The following GGNBP2 variants were observed in gnomAD, a reference collection of about 807,000 sequenced individuals.
GGNBP2 encodes gametogenetin-binding protein 2.
A neutral mutation model predicts 85.9 loss-of-function variants in GGNBP2; 10 were observed. The observed-to-expected ratio is 0.12, with a 90% CI of 0.07 to 0.20. GGNBP2 has a LOEUF of 0.20. GGNBP2 is among the 10% of genes least tolerant of loss of function. The probability of loss-of-function intolerance (pLI) is 1.00; values close to 1 mark genes in which losing one functional copy is unlikely to be tolerated. For missense variants in GGNBP2, 595 were observed against 857.8 expected, an observed-to-expected ratio of 0.69 and a Z score of 3.83; for synonymous variants, 287 against 285.7, an observed-to-expected ratio of 1.00 and a Z score of -0.05.
chr17:36,548,949 A>C (rs934991432), intron 2 of GGNBP2, among the ~76,000 whole-genome samples: 1 of 152,186 alleles, frequency 6.6e-6, no homozygotes, highest in African/African-American at 2.4e-5. Flanking sequence ...CGTTTCAAAA[A>C]AAAAAATAGC....
At chr17:36,553,393 T>C (rs1364182205) in intron 2 of GGNBP2, among the ~76,000 whole-genome samples, 1 of 152,226 alleles carries the variant, frequency 6.6e-6, no homozygotes, top group African/African-American at 2.4e-5. Context: ...TTAAATCTAT[T>C]GCTTACGTTT....
rs897430057 is a variant in GGNBP2, at chr17:36,558,180, G to A, written c.428+844G>A. Among the ~76,000 whole-genome samples the A allele has an allele frequency of 8.6e-5, 13 of 151,744 alleles. No individual in the cohort carries two copies. The East Asian group carries it at 1.2e-3, about 14-fold the overall frequency. On this transcript the variant is annotated intron_variant, in intron 4 of 13. Transcript: ENST00000613102. Reference sequence around the variant, plus strand: ...TATAATCCCAACACTTTGGGAGGCCGAGGCAGTTGGATTGCCTGAGCTCAG... The same window carrying A: ...TATAATCCCAACACTTTGGGAGGCCAAGGCAGTTGGATTGCCTGAGCTCAG...
chr17:36,550,518 AC>A (rs1426185245), intron 2 of GGNBP2, among the ~76,000 whole-genome samples: 1 of 152,220 alleles, frequency 6.6e-6, no homozygotes, highest in Non-Finnish European at 1.5e-5. Flanking sequence ...GATAGATGTT[AC>A]AAATAGCTGT....
chr17:36,560,508 C>T (rs912608445), intron 4 of GGNBP2, among the ~76,000 whole-genome samples: 6 of 152,186 alleles, frequency 3.9e-5, no homozygotes, highest in Non-Finnish European at 7.3e-5. Flanking sequence ...ACCTCGGCCT[C>T]CCAAATAGCC....
At chr17:36,559,296 CAA>C (rs892895973) in intron 4 of GGNBP2, among the ~76,000 whole-genome samples, 14 of 31,474 alleles carry the variant, frequency 4.4e-4, no homozygotes, top group African/African-American at 6.2e-4. Context: ...GACTCTGTCT[CAA>C]AAAAAAAAAA....
At chr17:36,578,507 T>G in intron 7 of GGNBP2, 2 of 256,854 alleles carry the variant, frequency 7.8e-6, no homozygotes, top group East Asian at 7.5e-5. Context: ...ATCCATGCAT[T>G]ATCATGTGTA....
intron 6 of GGNBP2, among the ~76,000 whole-genome samples, chr17:36,572,675 C>A (rs930558118): frequency 6.6e-6 from 1 of 152,158 alleles, no homozygotes; most frequent in Non-Finnish European, 1.5e-5. Flanking sequence ...GCCTGGGCAA[C>A]AGAGTGAGAC....
At chr17:36,565,459 TA>T (rs947110661) in intron 5 of GGNBP2, among the ~76,000 whole-genome samples, 26 of 150,308 alleles carry the variant, frequency 1.7e-4, no homozygotes, top group Non-Finnish European at 2.8e-4. Context: ...AGCTTTTTTT[TA>T]AAAAAAAAAT....
chr17:36,579,192 A>G lies in GGNBP2; in HGVS notation c.846-53A>G. ...ACCTGAACTTGCAGCTGTGTTATCC[A>G]TCTTTTACTGTTTCAGTTAAAGGTA... On this transcript the variant is annotated intron_variant, in intron 7 of 13. Transcript: ENST00000613102. The G allele has an allele frequency of 3.3e-6, 5 of 1,500,670 alleles. No homozygotes were observed. The Admixed American group carries it at 5.2e-5, about 16-fold the overall frequency. 93.0% of individuals were successfully genotyped at this position (1,500,670 alleles called of 1,614,324 possible). A position where few individuals can be genotyped will look rare whatever the true frequency, so the allele number is the denominator to read the frequency against.
chr17:36,588,600 A>ATTTTTTTTTTT (rs138773605), intron 13 of GGNBP2, among the ~76,000 whole-genome samples: 1 of 128,794 alleles, frequency 7.8e-6, no homozygotes, highest in South Asian at 2.3e-4. Context: ...TTTAATATTT[A>ATTTTTTTTTTT]TTTATTTTTT....
chr17:36,553,163 A>G (rs1413779515), intron 2 of GGNBP2, among the ~76,000 whole-genome samples: 1 of 152,208 alleles, frequency 6.6e-6, no homozygotes, highest in Non-Finnish European at 1.5e-5. Context: ...CATTTGGGAA[A>G]TATAGGAACA....
chr17:36,556,379 G>A (rs1369458272), intron 3 of GGNBP2, among the ~76,000 whole-genome samples: 1 of 152,158 alleles, frequency 6.6e-6, no homozygotes, highest in African/African-American at 2.4e-5. Context: ...GTGATAGTAA[G>A]TGTGTTGTTA....
rs563714985 is a variant in GGNBP2 at position 36,581,917 on chromosome 17, A to G, written c.1215+379A>G. 231 of 152,904 alleles carry G rather than the reference A, an allele frequency of 1.5e-3. 1 individual carries two copies. The highest frequency in any genetic ancestry group is 2.4e-3 in the Non-Finnish European group (168 of 68,604). 9.5% of individuals were successfully genotyped at this position (152,904 alleles called of 1,614,324 possible). On this transcript the variant is annotated intron_variant, in intron 9 of 13. Transcript: ENST00000613102. ...TTCTGAGACAGGGTCTCACTCTGTCACCCGGACTGGAGTGCAGTGGCACAA... is the reference window on the plus strand; with the variant it reads ...TTCTGAGACAGGGTCTCACTCTGTCGCCCGGACTGGAGTGCAGTGGCACAA...
chr17:36,558,281 G>A (rs1020170073), intron 4 of GGNBP2, among the ~76,000 whole-genome samples: 2 of 150,822 alleles, frequency 1.3e-5, no homozygotes, highest in Non-Finnish European at 3.0e-5. Flanking sequence ...CAGGAGTGGT[G>A]GCGGGTCCCT....
intron 5 of GGNBP2, among the ~76,000 whole-genome samples, chr17:36,566,623 C>G (rs1356919187): frequency 2.6e-5 from 4 of 151,584 alleles, no homozygotes; most frequent in African/African-American, 9.7e-5. Flanking sequence ...TGGGGTTGCA[C>G]TGAGCCAAGA....
intron 5 of GGNBP2, 140 bp from the exon 6 acceptor site, chr17:36,567,523 A>G (rs956196095): frequency 1.7e-5 from 10 of 586,280 alleles, no homozygotes; most frequent in Non-Finnish European, 3.1e-5. Context: ...AAGGACGGCA[A>G]GTATAGGATC....
chr17:36,580,583 C>A (rs904301989), intron 8 of GGNBP2, among the ~76,000 whole-genome samples: 5 of 151,616 alleles, frequency 3.3e-5, no homozygotes, highest in Admixed American at 2.0e-4. Context: ...ATAGTTTTTT[C>A]ATTATGTCAG....
rs1430101884 is a variant in GGNBP2 at position 36,551,559 on chromosome 17, T to C, written c.94-3261T>C. Among the ~76,000 whole-genome samples the C allele has an allele frequency of 3.9e-5, 6 of 151,956 alleles. No individual in the cohort carries two copies. The South Asian group carries it at 1.2e-3, about 32-fold the overall frequency. ...GTATTATCCATATAATTAAAATATT[T>C]TAGGCTGGGCGCGGTGGCTCATGCC... On this transcript the variant is annotated intron_variant, in intron 2 of 13. Coordinates refer to ENST00000613102, the MANE Select transcript of GGNBP2 (RefSeq NM_024835.5).
chr17:36,581,771 A>G (rs1421727018), intron 9 of GGNBP2: 2 of 287,496 alleles, frequency 7.0e-6, no homozygotes, highest in Non-Finnish European at 1.3e-5. Context: ...GTCCCTTGGT[A>G]TCTGTGGGGT....
Sources: gnomAD v4.1 joint callset for allele counts (sites outside exome capture counted in the v4.1 genomes callset) on GRCh38, gnomAD v4.1.1 for gene constraint, MANE v1.5 for transcripts, NCBI Gene and HGNC (gene_info 2026-07-23, HGNC 2026-07-21) for gene names.